Variants in ZFPM1 observed in about 807,000 individuals in gnomAD.
ZFPM1 encodes zinc finger protein ZFPM1.
In ZFPM1, 28 loss-of-function variants were observed where a neutral mutation model predicts 46.3. The observed-to-expected ratio is 0.60, with a 90% CI of 0.45 to 0.83. The LOEUF is 0.83. Ranked by LOEUF, ZFPM1 falls within the 40% of genes least tolerant of loss-of-function variation. The probability of loss-of-function intolerance (pLI) is 0.00; values close to 1 mark genes in which losing one functional copy is unlikely to be tolerated. For missense variants in ZFPM1, 1,878 were observed against 1,432.4 expected, an observed-to-expected ratio of 1.31 and a Z score of -5.02; for synonymous variants, 957 against 675.9, an observed-to-expected ratio of 1.42 and a Z score of -6.45.
chr16:88,532,730 G>A, intron 8 of ZFPM1, 21 bp downstream of exon 8: 2 of 1,612,464 alleles, frequency 1.2e-6, no homozygotes, highest in Non-Finnish European at 1.7e-6. Flanking sequence ...CAGGGGCCGG[G>A]GGGTGTGTGG....
Position 88,501,579 on chromosome 16 carries a change from T to TGC in ZFPM1, c.268+12427_268+12428insCG, listed in dbSNP as rs1567541521. ...TGCTGGTGATGATGGAGATAGCGGG[T>TGC]GTGGGTGCATGGGCTCTCCCGCAGG... is the stretch of plus-strand genomic sequence containing the variant. On this transcript the variant is annotated intron_variant, in intron 3 of 9. Coordinates refer to ENST00000319555, the MANE Select transcript of ZFPM1 (RefSeq NM_153813.3). 1.2e-3 allele frequency among the ~76,000 whole-genome samples: 85 copies of TGC among 71,484 alleles called. 1 individual carries two copies. The highest frequency in any genetic ancestry group is 4.2e-3 in the East Asian group (8 of 1,912). 46.9% of individuals were successfully genotyped at this position (71,484 alleles called of 152,430 possible).
At chr16:88,488,299 G>A (rs1405378765) in intron 2 of ZFPM1, among the ~76,000 whole-genome samples, 2 of 152,146 alleles carry the variant, frequency 1.3e-5, no homozygotes, top group Non-Finnish European at 2.9e-5. Flanking sequence ...TGGGGGCGGG[G>A]GTGGGGCCCG....
At chr16:88,474,419 CCA>C (rs1249388317) in intron 1 of ZFPM1, among the ~76,000 whole-genome samples, 1 of 152,172 alleles carries the variant, frequency 6.6e-6, no homozygotes, top group Non-Finnish European at 1.5e-5. Flanking sequence ...AGGGACCCTA[CCA>C]CAGTCTGACA....
At chr16:88,496,972 T>C (rs1027044339) in intron 3 of ZFPM1, among the ~76,000 whole-genome samples, 4 of 151,992 alleles carry the variant, frequency 2.6e-5, no homozygotes, top group African/African-American at 9.7e-5. Flanking sequence ...GCGCTGCCTG[T>C]GGGTGGGGGG....
intron 3 of ZFPM1, among the ~76,000 whole-genome samples, chr16:88,490,139 C>T (rs1205083888): frequency 1.3e-5 from 2 of 151,936 alleles, no homozygotes; most frequent in Non-Finnish European, 2.9e-5. Context: ...CTGCAAGCTC[C>T]GCCTCCCAGG....
chr16:88,489,027 G>A lies in ZFPM1; in HGVS notation c.146-4G>A. The A allele has an allele frequency of 6.2e-7, 1 of 1,611,856 alleles. No individual in the cohort carries two copies. Among genetic ancestry groups the A allele is most frequent in the African/African-American group, 1.3e-5 (1 of 74,982 alleles). ...GGGATGTGACGGTGTTTTCCTCTCT[G>A]CAGATGTTAACTCACCCCCACCGCT... On this transcript the variant is annotated splice_polypyrimidine_tract_variant and splice_region_variant and intron_variant, in intron 2 of 9. Transcript: ENST00000319555.
At chr16:88,475,144 A>C (rs905973636) in intron 1 of ZFPM1, among the ~76,000 whole-genome samples, 2 of 152,242 alleles carry the variant, frequency 1.3e-5, no homozygotes, top group Non-Finnish European at 2.9e-5. Flanking sequence ...AGGGAGCCAC[A>C]GCTCCGGGAG....
chr16:88,485,359 C>T (rs568713809), intron 1 of ZFPM1, among the ~76,000 whole-genome samples: 7 of 151,788 alleles, frequency 4.6e-5, no homozygotes, highest in Non-Finnish European at 1.0e-4. Flanking sequence ...CCAAGGGTCA[C>T]GGCAGGTAAG....
intron 4 of ZFPM1, among the ~76,000 whole-genome samples, chr16:88,520,303 C>T (rs538143238): frequency 7.8e-5 from 10 of 128,060 alleles, no homozygotes; most frequent in South Asian, 5.4e-4. Context: ...TGGATGGATG[C>T]GTGGGTGAGT....
intron 1 of ZFPM1, among the ~76,000 whole-genome samples, chr16:88,466,237 G>A (rs911313579): frequency 5.9e-5 from 9 of 152,190 alleles, no homozygotes; most frequent in East Asian, 1.9e-4. Flanking sequence ...TCCTGATGGC[G>A]GCCGTGGTTA....
intron 4 of ZFPM1, among the ~76,000 whole-genome samples, chr16:88,524,059 CGGCAGGCT>C (rs1567551926): frequency 1.3e-5 from 2 of 152,196 alleles, no homozygotes; most frequent in African/African-American, 4.8e-5. Context: ...TTAAACCGGC[CGGCAGGCT>C]GTCAGTCTCA....
At chr16:88,491,065 TGGTGCCTTCGCGGGTCCCAGTCAGGC>T (rs1909543712) in intron 3 of ZFPM1, among the ~76,000 whole-genome samples, 3 of 151,670 alleles carry the variant, frequency 2.0e-5, no homozygotes, top group Admixed American at 1.3e-4. Flanking sequence ...GGTCAGGCGC[TGGTGCCTTCGCGGGTCCCAGTCAGGC>T]GCTGGTGCCT....
In ZFPM1 at chr16:88,469,718, G is replaced by A. The variant is rs2142352693; in HGVS notation, c.40+16040G>A. On this transcript the variant is annotated intron_variant, in intron 1 of 9. Transcript: ENST00000319555. The surrounding 1 kb of genome is among the most constrained non-coding windows in gnomAD (Gnocchi z 4.3). Reference sequence around the variant, plus strand: ...CTGAAAATCAGCCACAGGTGTGGGTGTTTGTCAAAAATGTGTAAGTGGAAA... The same window carrying A: ...CTGAAAATCAGCCACAGGTGTGGGTATTTGTCAAAAATGTGTAAGTGGAAA... 6.6e-6 allele frequency among the ~76,000 whole-genome samples: 1 copy of A among 152,300 alleles called. No individual in the cohort carries two copies. Among genetic ancestry groups the A allele is most frequent in the East Asian group, 1.9e-4 (1 of 5,176 alleles).
At chr16:88,519,048 AGATGGATGGATGGATG>A (rs371844825) in intron 4 of ZFPM1, among the ~76,000 whole-genome samples, 63 of 108,020 alleles carry the variant, frequency 5.8e-4, no homozygotes, top group African/African-American at 2.2e-3. Flanking sequence ...GTGGATGGAT[AGATGGATGGATGGATG>A]GATGGATGGA....
rs1221010442 is a variant in ZFPM1, at chr16:88,485,946, C to T, written c.48C>T (p.Leu16=). 1.2e-5 allele frequency: 19 copies of T among 1,612,668 alleles called. No homozygotes were observed. Among genetic ancestry groups the T allele is most frequent in the East Asian group, 1.1e-4 (5 of 44,890 alleles). The change falls in exon 2 of 10, where the codon CTC becomes CTT. Residue 16 remains leucine (L), a synonymous_variant. Coordinates refer to ENST00000319555, the MANE Select transcript of ZFPM1 (RefSeq NM_153813.3). ...QSNPRQIKRS[L]GDMEAREEVQ... Reference sequence around the variant, plus strand: ...ATCGTCTTGTGTCCACAGGTTCCCTCGGAGACATGGAGGCCAGAGAGGAGG... The same window carrying T: ...ATCGTCTTGTGTCCACAGGTTCCCTTGGAGACATGGAGGCCAGAGAGGAGG...
At chr16:88,523,206 C>CAA (rs71391390) in intron 4 of ZFPM1, among the ~76,000 whole-genome samples, 39 of 110,866 alleles carry the variant, frequency 3.5e-4, no homozygotes, top group South Asian at 1.7e-3. Flanking sequence ...GACTTCATCT[C>CAA]AAAAAAAAAA....
At chr16:88,453,031 C>T (rs925394577), upstream of ZFPM1, among the ~76,000 whole-genome samples, 1 of 145,608 alleles carries the variant, frequency 6.9e-6, no homozygotes, top group Non-Finnish European at 1.5e-5. Flanking sequence ...CGGACAGGGG[C>T]GGGGCCGCAG....
At chr16:88,494,575 A>AG (rs914932561) in intron 3 of ZFPM1, among the ~76,000 whole-genome samples, 1 of 151,840 alleles carries the variant, frequency 6.6e-6, no homozygotes, top group Non-Finnish European at 1.5e-5. Flanking sequence ...TGATTCCAGG[A>AG]GGGGGTGTCC....
chr16:88,519,038 G>GTGCATGGATAGA (rs1911577291), intron 4 of ZFPM1, among the ~76,000 whole-genome samples: 1 of 125,606 alleles, frequency 8.0e-6, no homozygotes, highest in African/African-American at 3.2e-5. Context: ...GGATGGATGG[G>GTGCATGGATAGA]TGGATGGATA....
Sources: allele counts gnomAD v4.1 joint callset (sites outside exome capture counted in the v4.1 genomes callset), GRCh38; gene constraint gnomAD v4.1.1; non-coding constraint Gnocchi (gnomAD v3.1); transcripts MANE v1.5; gene names NCBI Gene and HGNC (gene_info 2026-07-23, HGNC 2026-07-21).